The following TENM4 variants were observed in gnomAD, a reference collection of about 807,000 sequenced individuals.
TENM4 encodes teneurin-4.
Under a neutral mutation model 243.3 loss-of-function variants are expected in TENM4, and 82 were observed. The ratio of observed to expected loss-of-function variants is 0.34; its 90% CI spans 0.28 to 0.40. The LOEUF is 0.40. Ranked by LOEUF, TENM4 falls within the 10% of genes least tolerant of loss-of-function variation. The probability of loss-of-function intolerance (pLI) is 1.00; values close to 1 mark genes in which losing one functional copy is unlikely to be tolerated. For synonymous variants in TENM4, 1,412 were observed against 1,456.3 expected (o/e 0.97, Z 0.69); for missense variants, 3,138 against 3,673.3 (o/e 0.85, Z 3.77).
chr11:79,423,984 G>C (rs1273195654), intron 1 of TENM4, among the ~76,000 whole-genome samples: 1 of 152,112 alleles, frequency 6.6e-6, no homozygotes, highest in Non-Finnish European at 1.5e-5. Flanking sequence ...TTTGTGCCAG[G>C]CTCCCTGGTA....
intron 2 of TENM4, 31 bp downstream of exon 2, chr11:79,297,456 GT>G (rs1856474531): frequency 6.6e-6 from 1 of 152,656 alleles, no homozygotes; most frequent in African/African-American, 2.4e-5. Flanking sequence ...AGCATATCTT[GT>G]TTTGGGTTCA....
intron 1 of TENM4, among the ~76,000 whole-genome samples, chr11:79,410,622 T>C (rs917614118): frequency 1.3e-5 from 2 of 152,156 alleles, no homozygotes; most frequent in Non-Finnish European, 2.9e-5. Context: ...GAGAAGTGTA[T>C]ATGAAAAGAG....
intron 1 of TENM4, among the ~76,000 whole-genome samples, chr11:79,323,523 A>C (rs567369170): frequency 4.3e-4 from 65 of 152,322 alleles, no homozygotes; most frequent in African/African-American, 1.5e-3. Context: ...AAGACTTCTC[A>C]AGGACTGTGG....
intron 1 of TENM4, among the ~76,000 whole-genome samples, chr11:79,416,695 G>T (rs564908317): frequency 6.6e-6 from 1 of 152,228 alleles, no homozygotes; most frequent in South Asian, 2.1e-4. Flanking sequence ...GGAAACTGAG[G>T]CTTAACAAGG....
At chr11:79,268,531 G>A (rs1462867002) in intron 2 of TENM4, among the ~76,000 whole-genome samples, 1 of 152,040 alleles carries the variant, frequency 6.6e-6, no homozygotes, top group African/African-American at 2.4e-5. Context: ...TATTATTCAT[G>A]GACTACCTAT....
Position 78,863,124 on chromosome 11 carries a change from G to C in TENM4, c.1093C>G (p.Leu365Val). 1 of 1,510,720 alleles carries C rather than the reference G, an allele frequency of 6.6e-7. No homozygotes were observed. Among genetic ancestry groups the C allele is most frequent in the East Asian group, 2.5e-5 (1 of 39,884 alleles). The allele number at this position is 1,510,720 out of a possible 1,614,324, so 93.6% of individuals were successfully genotyped here. A position where few individuals can be genotyped will look rare whatever the true frequency, so the allele number is the denominator to read the frequency against. The change falls in exon 10 of 34, where the codon CTG becomes GTG. Residue 365 changes from leucine to valine, a missense_variant. Physicochemically the swap from Leu to Val is conservative, Grantham distance 32 (BLOSUM62 1). Transcript: ENST00000278550. ...TGCAGGTGCCAGTTTAGGCCAAACA[G>C]GTGCATGGCTGTGGTGAGCAATGAG... ...ILLAYFVAMH[L>V]FGLNWHLQPM...
At chr11:79,164,038 ATACACTATAAATACTATG>A in intron 3 of TENM4, among the ~76,000 whole-genome samples, 1 of 115,070 alleles carries the variant, frequency 8.7e-6, no homozygotes, top group South Asian at 2.7e-4. Context: ...TATAGTATAT[ATACACTATAAATACTATG>A]TATATATAGT....
intron 6 of TENM4, among the ~76,000 whole-genome samples, chr11:78,986,187 T>C (rs192166611): frequency 2.4e-3 from 368 of 152,304 alleles, no homozygotes; most frequent in African/African-American, 8.7e-3. Context: ...ACTTGGGTGT[T>C]GGCTGAAGGA....
At chr11:78,984,914 A>G (rs775091680) in intron 6 of TENM4, among the ~76,000 whole-genome samples, 3 of 152,204 alleles carry the variant, frequency 2.0e-5, no homozygotes, top group Non-Finnish European at 4.4e-5. Context: ...CGTATTGGAC[A>G]GTACAAGTTC....
At chr11:78,880,076 T>A (rs1477502479) in intron 9 of TENM4, among the ~76,000 whole-genome samples, 2 of 152,162 alleles carry the variant, frequency 1.3e-5, no homozygotes, top group African/African-American at 4.8e-5. Flanking sequence ...TAGAAAGAAG[T>A]TGGCATAGGA....
chr11:79,383,201 G>T (rs548156025), intron 1 of TENM4, among the ~76,000 whole-genome samples: 1 of 152,324 alleles, frequency 6.6e-6, no homozygotes, highest in South Asian at 2.1e-4. Flanking sequence ...AGGAGGGGAA[G>T]AGCCTTGCCT....
chr11:79,285,265 A>C (rs1856230113), intron 2 of TENM4, among the ~76,000 whole-genome samples: 1 of 151,870 alleles, frequency 6.6e-6, no homozygotes, highest in South Asian at 2.1e-4. Context: ...AAAAAAAGAG[A>C]GATGCTGAGT....
intron 6 of TENM4, among the ~76,000 whole-genome samples, chr11:79,027,958 A>G (rs182396186): frequency 6.6e-6 from 1 of 152,252 alleles, no homozygotes; most frequent in East Asian, 1.9e-4. Context: ...GGGTTCACTC[A>G]CAGGAAGGTC....
intron 1 of TENM4, among the ~76,000 whole-genome samples, chr11:79,373,073 A>G (rs1031294962): frequency 1.3e-5 from 2 of 152,172 alleles, no homozygotes; most frequent in Non-Finnish European, 2.9e-5. Flanking sequence ...TGAAAAAAAT[A>G]TATATCTAAA....
intron 2 of TENM4, among the ~76,000 whole-genome samples, chr11:79,249,661 T>TAAA (rs1389530019): frequency 6.6e-6 from 1 of 152,236 alleles, no homozygotes; most frequent in Non-Finnish European, 1.5e-5. Flanking sequence ...CTTTACTTTC[T>TAAA]CTATACACAA....
intron 9 of TENM4, among the ~76,000 whole-genome samples, chr11:78,871,217 T>C (rs1274984892): frequency 6.6e-6 from 1 of 152,212 alleles, no homozygotes; most frequent in Non-Finnish European, 1.5e-5. Flanking sequence ...TGAGCCTCTG[T>C]TTCCCCATCT....
chr11:78,941,115 G>A (rs1856884212), intron 6 of TENM4, among the ~76,000 whole-genome samples: 1 of 152,204 alleles, frequency 6.6e-6, no homozygotes, highest in Non-Finnish European at 1.5e-5. Context: ...CAGCCTGGCG[G>A]GTGCAAAGAC....
chr11:78,895,463 C>T lies in TENM4; in HGVS notation c.750-4127G>A, dbSNP rs546729581. On this transcript the variant is annotated intron_variant, in intron 7 of 33. Coordinates refer to ENST00000278550, the MANE Select transcript of TENM4 (RefSeq NM_001098816.3). ...GGCCCAGAGAGACATGTGCCCTGCC[C>T]TCATACCCATACCATAGCAAGTCAG... Among the ~76,000 whole-genome samples, 160 of 152,204 alleles carry T rather than the reference C, an allele frequency of 1.1e-3. 1 individual carries two copies. The highest frequency in any genetic ancestry group is 1.7e-3 in the Non-Finnish European group (116 of 68,006).
chr11:78,840,915 T>G (rs906188000), intron 12 of TENM4, among the ~76,000 whole-genome samples: 3 of 152,174 alleles, frequency 2.0e-5, no homozygotes, highest in African/African-American at 7.2e-5. Flanking sequence ...CGGAACCTTG[T>G]TTCATCATCT....
Sources: gnomAD v4.1 joint callset for allele counts (sites outside exome capture counted in the v4.1 genomes callset) on GRCh38, gnomAD v4.1.1 for gene constraint, MANE v1.5 for transcripts, NCBI Gene and HGNC (gene_info 2026-07-23, HGNC 2026-07-21) for gene names.